The following DENND1A variants were observed in gnomAD, a reference collection of about 807,000 sequenced individuals.
The protein encoded by DENND1A is DENN domain containing 1A.
A neutral mutation model predicts 113.7 loss-of-function variants in DENND1A; 51 were observed. The ratio of observed to expected loss-of-function variants is 0.45; its 90% CI spans 0.36 to 0.57. The LOEUF (loss-of-function observed/expected upper bound fraction) is 0.57. DENND1A is among the 20% of genes least tolerant of loss of function. The probability of loss-of-function intolerance (pLI) is 0.00; values close to 1 mark genes in which losing one functional copy is unlikely to be tolerated. For missense variants in DENND1A, 1,258 were observed against 1,395.9 expected (o/e 0.90, Z 1.57); for synonymous variants, 565 against 570.8 (o/e 0.99, Z 0.14).
At chr9:123,754,467 A>G (rs745811165) in intron 5 of DENND1A, among the ~76,000 whole-genome samples, 76 of 152,330 alleles carry the variant, frequency 5.0e-4, no homozygotes, top group Non-Finnish European at 1.0e-3. Context: ...ATGTTCCACA[A>G]TTCATCTAGG....
intron 5 of DENND1A, among the ~76,000 whole-genome samples, chr9:123,686,661 C>A (rs1004306116): frequency 6.6e-6 from 1 of 152,166 alleles, no homozygotes; most frequent in African/African-American, 2.4e-5. Flanking sequence ...TCAAACACAG[C>A]AGAAGAGTAT....
intron 19 of DENND1A, among the ~76,000 whole-genome samples, chr9:123,427,758 G>A (rs2045851309): frequency 6.6e-6 from 1 of 152,176 alleles, no homozygotes; most frequent in Non-Finnish European, 1.5e-5. Flanking sequence ...TTAGGTATAT[G>A]CTTCAGGTGG....
At chr9:123,552,002 CGAGAGAGAGCGAGAGCGA>C (rs2057082259) in intron 13 of DENND1A, among the ~76,000 whole-genome samples, 2 of 107,096 alleles carry the variant, frequency 1.9e-5, no homozygotes, top group African/African-American at 7.5e-5. Context: ...CGAGAGAGAG[CGAGAGAGAGCGAGAGCGA>C]GAGAGAGAGA....
intron 6 of DENND1A, among the ~76,000 whole-genome samples, chr9:123,671,798 G>T (rs995991348): frequency 6.6e-6 from 1 of 152,050 alleles, no homozygotes; most frequent in African/African-American, 2.4e-5. Context: ...AGTGTTCACC[G>T]GATACACATG....
At chr9:123,778,342 T>C (rs550109230) in intron 3 of DENND1A, among the ~76,000 whole-genome samples, 1 of 152,328 alleles carries the variant, frequency 6.6e-6, no homozygotes, top group African/African-American at 2.4e-5. Flanking sequence ...CATCATACAG[T>C]ACAGAAGTTC....
At position 123,421,412 on chromosome 9, in the gene DENND1A, G is replaced by A. The variant is rs537960560; in HGVS notation, c.1489-9583C>T. On this transcript the variant is annotated intron_variant, in intron 19 of 23. Transcript: ENST00000394215. ...AGCCCACGCTGCTCCCAGGAGACCC[G>A]ACATACCAACAGCAGAAGAAGATGT... Among the ~76,000 whole-genome samples the A allele has an allele frequency of 1.2e-4, 18 of 152,128 alleles. 1 individual carries two copies. Among genetic ancestry groups the A allele is most frequent in the Admixed American group, 1.3e-4 (2 of 15,290 alleles).
At chr9:123,859,201 C>T (rs1844713131) in intron 2 of DENND1A, among the ~76,000 whole-genome samples, 1 of 152,078 alleles carries the variant, frequency 6.6e-6, no homozygotes, top group African/African-American at 2.4e-5. Context: ...TGTATGCTAA[C>T]AAAATAGGCT....
intron 3 of DENND1A, among the ~76,000 whole-genome samples, chr9:123,789,101 A>G (rs1173092926): frequency 6.6e-6 from 1 of 151,226 alleles, no homozygotes. Context: ...TAGGCAACGC[A>G]TGACTTTCAG....
At chr9:123,547,988 AT>A (rs1256398138) in intron 13 of DENND1A, among the ~76,000 whole-genome samples, 1 of 152,212 alleles carries the variant, frequency 6.6e-6, no homozygotes, top group Non-Finnish European at 1.5e-5. Flanking sequence ...CTAGCTAGGC[AT>A]TATTTACATC....
chr9:123,709,316 T>C (rs1469235823), intron 5 of DENND1A, among the ~76,000 whole-genome samples: 12 of 152,302 alleles, frequency 7.9e-5, no homozygotes, highest in African/African-American at 2.2e-4. Flanking sequence ...TGAGAAGGTA[T>C]GTTCTTTGTT....
At chr9:123,478,613 T>C (rs1034188195) in intron 13 of DENND1A, among the ~76,000 whole-genome samples, 8 of 152,244 alleles carry the variant, frequency 5.3e-5, no homozygotes, top group African/African-American at 1.7e-4. Flanking sequence ...AGTGTACTGA[T>C]GTCTGTGACT....
intron 8 of DENND1A, among the ~76,000 whole-genome samples, chr9:123,660,585 A>ACCTAAC (rs2063184120): frequency 6.6e-6 from 1 of 152,158 alleles, no homozygotes; most frequent in Non-Finnish European, 1.5e-5. Context: ...TTTTTAATGA[A>ACCTAAC]CCTAACCTAG....
intron 13 of DENND1A, among the ~76,000 whole-genome samples, chr9:123,519,768 T>C (rs545870497): frequency 1.1e-3 from 161 of 152,200 alleles, no homozygotes; most frequent in African/African-American, 3.6e-3. Flanking sequence ...TTGCCAGTGA[T>C]GGGCTGGAGC....
intron 13 of DENND1A, among the ~76,000 whole-genome samples, chr9:123,469,292 A>G (rs188494148): frequency 6.6e-6 from 1 of 152,378 alleles, no homozygotes; most frequent in African/African-American, 2.4e-5. Flanking sequence ...CTCACTGTTC[A>G]GATGATTTAA....
intron 10 of DENND1A, among the ~76,000 whole-genome samples, chr9:123,619,095 C>T (rs529089172): frequency 3.3e-5 from 5 of 151,968 alleles, no homozygotes; most frequent in Admixed American, 1.3e-4. Flanking sequence ...TACAGGCACA[C>T]GCCACCACGC....
rs116339275 is a variant in DENND1A at position 123,644,021 on chromosome 9, A to T, written c.618+7992T>A. Among the ~76,000 whole-genome samples, 214 of 152,302 alleles carry T rather than the reference A, an allele frequency of 1.4e-3. 1 individual carries two copies. Among genetic ancestry groups the T allele is most frequent in the African/African-American group, 4.9e-3 (204 of 41,556 alleles). On this transcript the variant is annotated intron_variant, in intron 9 of 23. Transcript: ENST00000394215. ...TGACAATGAAGAGTTACCAAGAAGG[A>T]AGTATGAGGCAGCAAGGATGCTGGC...
intron 21 of DENND1A, among the ~76,000 whole-genome samples, chr9:123,395,468 C>CTCTCTGTGTATGTGTGTG (rs367751848): frequency 8.4e-5 from 12 of 142,982 alleles, no homozygotes; most frequent in African/African-American, 3.0e-4. Flanking sequence ...CTCTCTCTCT[C>CTCTCTGTGTATGTGTGTG]TGTGTGTGTG....
At chr9:123,400,891 A>T (rs1349211537) in intron 21 of DENND1A, 1 of 152,200 alleles carries the variant, frequency 6.6e-6, no homozygotes, top group Non-Finnish European at 1.5e-5. Context: ...TTGGGGCAAG[A>T]AGTCAGGAGG....
chr9:123,581,634 A>G (rs1410831419), intron 12 of DENND1A, among the ~76,000 whole-genome samples: 2 of 152,138 alleles, frequency 1.3e-5, no homozygotes, highest in East Asian at 3.9e-4. Context: ...CAAAAAAAAA[A>G]AAAGAAAGAA....
Sources: gnomAD v4.1 joint callset for allele counts (sites outside exome capture counted in the v4.1 genomes callset) on GRCh38, gnomAD v4.1.1 for gene constraint, MANE v1.5 for transcripts, NCBI Gene and HGNC (gene_info 2026-07-23, HGNC 2026-07-21) for gene names.